KANSL3: variants seen among roughly 807,000 people sequenced by gnomAD.
KANSL3 encodes KAT8 regulatory NSL complex subunit 3, also known as NSL complex protein NSL3.
A neutral mutation model predicts 89.2 loss-of-function variants in KANSL3; 16 were observed. The observed-to-expected ratio is 0.18, with a 90% confidence interval of 0.12 to 0.27. The LOEUF (loss-of-function observed/expected upper bound fraction) is 0.27, where lower values mean the gene tolerates loss of function less well. KANSL3 is among the 10% of genes least tolerant of loss of function. The pLI is 1.00. For missense variants in KANSL3, 879 were observed against 1,110.6 expected (o/e 0.79, Z 2.96); for synonymous variants, 385 against 419.7 (o/e 0.92, Z 1.01).
At chr2:96,584,681 T>A in the KANSL3 span, among the ~76,000 whole-genome samples, 1 of 152,228 alleles carries the variant, frequency 6.6e-6, no homozygotes, top group Non-Finnish European at 1.5e-5. Context: ...AGTTCATCCA[T>A]GTTGCTGCAA....
chr2:96,629,448 G>A (rs375115868), intron 3 of KANSL3, among the ~76,000 whole-genome samples: 29 of 152,152 alleles, frequency 1.9e-4, no homozygotes, highest in East Asian at 5.8e-4. Context: ...TCAGCCTCCC[G>A]AGTAGCTGGG....
intron 11 of KANSL3, 198 bp downstream of exon 11, chr2:96,610,528 G>A (rs1231502620): frequency 4.1e-6 from 2 of 489,288 alleles, no homozygotes; most frequent in South Asian, 2.6e-5. Flanking sequence ...TGTTAGCCAG[G>A]ATGGTCTCAA....
chr2:96,631,391 A>G lies in KANSL3; in HGVS notation c.307T>C (p.Cys103Arg), dbSNP rs1245608113. The G allele has an allele frequency of 6.2e-7, 1 of 1,610,352 alleles. No individual in the cohort carries two copies. Among genetic ancestry groups the G allele is most frequent in the South Asian group, 1.1e-5 (1 of 90,126 alleles). Reference protein sequence around the residue: ...NQKARSVMNECERHVIFARTD... With the variant: ...NQKARSVMNERERHVIFARTD... ...CTGGCAAAGATGACATGCCGTTCAC[A>G]CTCATTCATCACGCTGCGTGCCTTC... Residue 103 changes from cysteine to arginine, a missense_variant, in exon 3 of 21, where the codon TGT becomes CGT. By Grantham distance (180) the Cys-to-Arg change is radical. Transcript: ENST00000431828.
At chr2:96,597,880 C>T (rs745601018) in intron 20 of KANSL3, among the ~76,000 whole-genome samples, 24 of 152,130 alleles carry the variant, frequency 1.6e-4, no homozygotes, top group Non-Finnish European at 3.2e-4. Context: ...GGATTACAGG[C>T]GTGAACCACC....
At chr2:96,596,716 G>A (rs2104839063) in intron 20 of KANSL3, among the ~76,000 whole-genome samples, 1 of 152,318 alleles carries the variant, frequency 6.6e-6, no homozygotes, top group East Asian at 1.9e-4. Context: ...ACTCTGTTCT[G>A]ATTATGAATA....
intron 3 of KANSL3, chr2:96,627,831 C>G: frequency 9.5e-7 from 1 of 1,056,160 alleles, no homozygotes; most frequent in Non-Finnish European, 1.3e-6. Context: ...GCTACAGATT[C>G]AGGGACAGGG....
At chr2:96,580,739 T>G in the KANSL3 span, among the ~76,000 whole-genome samples, 8 of 152,242 alleles carry the variant, frequency 5.3e-5, no homozygotes, top group Non-Finnish European at 8.8e-5. Context: ...AAGTGTCATG[T>G]GTGGAATCCC....
In KANSL3 at chr2:96,631,452, C is replaced by T. The variant is rs772396476; in HGVS notation, c.246G>A (p.Thr82=). 33 of 1,582,458 alleles carry T rather than the reference C, an allele frequency of 2.1e-5. No homozygotes were observed. Among genetic ancestry groups the T allele is most frequent in the African/African-American group, 5.4e-5 (4 of 74,306 alleles). The change falls in exon 3 of 21, where the codon ACG becomes ACA. Residue 82 remains threonine, a synonymous_variant. Transcript: ENST00000431828. ...AGAGTGGCATAGGCGTTGATGTGAC[C>T]GTCTCCACATCTATTGGGACGTCTG... ...IESDVPIDVE[T]VTSTPMPLYD...
At chr2:96,583,366 T>C in the KANSL3 span, among the ~76,000 whole-genome samples, 37,159 of 152,216 alleles carry the variant, frequency 0.24, 6,075 homozygotes, top group South Asian at 0.66. Flanking sequence ...ATCCTTGTAA[T>C]GTCCATCCAA....
Position 96,608,858 on chromosome 2 carries a change from C to T in KANSL3, c.1584+6G>A. ...AGCAAAAGCGCTCCCTCCCTGCTCA[C>T]ACTACCTCTGAGCCTGAGGGTGAGG... On this transcript the variant is annotated splice_donor_region_variant and intron_variant, in intron 13 of 20. Coordinates refer to ENST00000431828, the MANE Select transcript of KANSL3 (RefSeq NM_001115016.3). 1.3e-6 allele frequency: 2 copies of T among 1,569,434 alleles called. No homozygotes were observed. The highest frequency in any genetic ancestry group is 1.7e-6 in the Non-Finnish European group (2 of 1,157,736).
rs1025379567 is a variant in KANSL3 at position 96,593,683 on chromosome 2, T to G, written c.*1928A>C. On this transcript the variant is annotated 3_prime_UTR_variant, in exon 21 of 21. Coordinates refer to ENST00000431828, the MANE Select transcript of KANSL3 (RefSeq NM_001115016.3). ...AAAGGCAGGTCGGCTTGTTAGTTTT[T>G]CTTTGTCCCCAGCATACACTGAGCC... 5.8e-5 allele frequency: 13 copies of G among 223,132 alleles called. No individual in the cohort carries two copies. The highest frequency in any genetic ancestry group is 1.1e-4 in the Non-Finnish European group (12 of 109,342). 13.8% of individuals were successfully genotyped at this position (223,132 alleles called of 1,614,324 possible).
intron 5 of KANSL3, 88 bp from the exon 6 acceptor site, chr2:96,613,707 T>C (rs1031993059): frequency 7.7e-7 from 1 of 1,290,474 alleles, no homozygotes; most frequent in Admixed American, 2.0e-5. Context: ...AGAGCCCCAC[T>C]ATAAGCCATA....
rs1461163977 is a variant in KANSL3, at chr2:96,594,395, G to A, written c.*1216C>T. On this transcript the variant is annotated 3_prime_UTR_variant, in exon 21 of 21. Transcript: ENST00000431828. ...ACAAGTGTTGTGAAGAGGTAAGCAG[G>A]GGATCAGAGCTCCATCTTCTGTGAC... The A allele has an allele frequency of 5.3e-5, 8 of 152,132 alleles. No homozygotes were observed. Among genetic ancestry groups the A allele is most frequent in the Admixed American group, 1.3e-4 (2 of 15,282 alleles). The allele number at this position is 152,132 out of a possible 1,614,324, so 9.4% of individuals were successfully genotyped here.
chr2:96,616,663 G>A (rs1246539231), intron 5 of KANSL3, among the ~76,000 whole-genome samples: 1 of 152,186 alleles, frequency 6.6e-6, no homozygotes, highest in Non-Finnish European at 1.5e-5. Flanking sequence ...ATAAGAGTCC[G>A]ATGGCAGAGG....
chr2:96,607,091 G>T, intron 14 of KANSL3: 1 of 1,188,094 alleles, frequency 8.4e-7, no homozygotes, highest in Non-Finnish European at 1.1e-6. Flanking sequence ...GCCAGCCAGA[G>T]AAGGGAGAAA....
At position 96,593,617 on chromosome 2, in the gene KANSL3, C is replaced by CCTG; in HGVS notation, c.*1993_*1994insCAG. 1 of 269,884 alleles carries CCTG rather than the reference C, an allele frequency of 3.7e-6. No homozygotes were observed. The highest frequency in any genetic ancestry group is 4.2e-5 in the South Asian group (1 of 24,082). The allele number at this position is 269,884 out of a possible 1,614,324, so 16.7% of individuals were successfully genotyped here. Reference sequence around the variant, plus strand: ...GTTCTTCAAGGTGGACAGATCACACCTCAGGAAGTCATCCCTTGTAAGCAC... The same window carrying CCTG: ...GTTCTTCAAGGTGGACAGATCACACCCTGTCAGGAAGTCATCCCTTGTAAGCAC... On this transcript the variant is annotated 3_prime_UTR_variant, in exon 21 of 21. Transcript: ENST00000431828.
chr2:96,628,107 C>T (rs1404116950), intron 3 of KANSL3: 1 of 1,290,162 alleles, frequency 7.8e-7, no homozygotes, highest in South Asian at 1.2e-5. Flanking sequence ...AAGCCAAAGA[C>T]AAGAATCTGT....
the KANSL3 span, among the ~76,000 whole-genome samples, chr2:96,581,475 G>A: frequency 6.6e-6 from 1 of 151,296 alleles, no homozygotes; most frequent in African/African-American, 2.4e-5. Context: ...GGTGGTTACT[G>A]GTATATTAGC....
At chr2:96,614,597 CCT>C (rs1261292890) in intron 5 of KANSL3, among the ~76,000 whole-genome samples, 1 of 151,616 alleles carries the variant, frequency 6.6e-6, no homozygotes, top group Non-Finnish European at 1.5e-5. Context: ...ATGGTGAAAC[CCT>C]GTCTCCACTA....
Sources: allele counts gnomAD v4.1 joint callset (sites outside exome capture counted in the v4.1 genomes callset), GRCh38; gene constraint gnomAD v4.1.1; transcripts MANE v1.5; gene names NCBI Gene and HGNC (gene_info 2026-07-23, HGNC 2026-07-21).